Variants in ADCY2 observed in about 807,000 individuals in gnomAD.
The protein encoded by ADCY2 is adenylate cyclase type 2.
ADCY2 carries 31 observed loss-of-function variants against 125.2 expected under a neutral mutation model. That is an observed-to-expected ratio of 0.25 (90% CI 0.19 to 0.33). The LOEUF (loss-of-function observed/expected upper bound fraction) is 0.33, where lower values mean the gene tolerates loss of function less well. ADCY2 is among the 10% of genes least tolerant of loss of function. The pLI is 1.00. For missense variants in ADCY2, 904 were observed against 1,418.2 expected (o/e 0.64, Z 5.82); for synonymous variants, 512 against 548.4 (o/e 0.93, Z 0.93).
chr5:7,466,157 A>AT (rs1414672093), intron 2 of ADCY2, among the ~76,000 whole-genome samples: 2 of 152,138 alleles, frequency 1.3e-5, no homozygotes, highest in East Asian at 3.9e-4. Context: ...TATAAGACAA[A>AT]TGTTTATCTA....
At chr5:7,813,834 C>G (rs1288477595) in intron 22 of ADCY2, among the ~76,000 whole-genome samples, 1 of 152,162 alleles carries the variant, frequency 6.6e-6, no homozygotes, top group Non-Finnish European at 1.5e-5. Flanking sequence ...TTTGCTGCAC[C>G]TTGGTTTGGT....
At chr5:7,826,358 G>T (rs1745477911) in intron 24 of ADCY2, among the ~76,000 whole-genome samples, 1 of 152,118 alleles carries the variant, frequency 6.6e-6, no homozygotes, top group African/African-American at 2.4e-5. Context: ...TCTCTTCAGT[G>T]TGAATACATA....
chr5:7,704,531 A>G (rs1368425169), intron 7 of ADCY2, among the ~76,000 whole-genome samples: 1 of 152,186 alleles, frequency 6.6e-6, no homozygotes, highest in African/African-American at 2.4e-5. Context: ...GCTTTAAGCA[A>G]TGACTTCAAC....
At chr5:7,572,264 G>A (rs570351179) in intron 3 of ADCY2, among the ~76,000 whole-genome samples, 15 of 152,162 alleles carry the variant, frequency 9.9e-5, no homozygotes, top group Admixed American at 2.6e-4. Flanking sequence ...TTACACTCCC[G>A]TCAACAGTGT....
At chr5:7,404,960 T>C (rs931775795) in intron 1 of ADCY2, among the ~76,000 whole-genome samples, 8 of 152,206 alleles carry the variant, frequency 5.3e-5, no homozygotes, top group Admixed American at 6.5e-5. Flanking sequence ...TCTCTTGATA[T>C]GGGATCTGGT....
chr5:7,696,950 A>G (rs924363866), intron 6 of ADCY2, among the ~76,000 whole-genome samples: 1 of 152,210 alleles, frequency 6.6e-6, no homozygotes, highest in Admixed American at 6.5e-5. Flanking sequence ...AACTTAAATG[A>G]TGCCTTAAAA....
At chr5:7,486,021 A>G (rs2126480655) in intron 2 of ADCY2, among the ~76,000 whole-genome samples, 1 of 152,314 alleles carries the variant, frequency 6.6e-6, no homozygotes, top group East Asian at 1.9e-4. Flanking sequence ...CGACATTCTT[A>G]TAAGGGAAAG....
chr5:7,753,549 C>T (rs980053981), intron 15 of ADCY2, among the ~76,000 whole-genome samples: 3 of 152,104 alleles, frequency 2.0e-5, no homozygotes, highest in Non-Finnish European at 4.4e-5. Flanking sequence ...TTAGGATGGT[C>T]GGAATTTTGA....
intron 4 of ADCY2, among the ~76,000 whole-genome samples, chr5:7,627,243 T>C (rs1738164963): frequency 6.6e-6 from 1 of 152,056 alleles, no homozygotes; most frequent in Admixed American, 6.6e-5. Flanking sequence ...TTGATTGTTG[T>C]GGGTGACACA....
At chr5:7,463,618 T>TAA (rs33927169) in intron 2 of ADCY2, among the ~76,000 whole-genome samples, 15 of 102,524 alleles carry the variant, frequency 1.5e-4, no homozygotes, top group South Asian at 3.2e-4. Context: ...AGGTGATAGA[T>TAA]AAAAAAAAAA....
At chr5:7,539,349 TGG>T (rs1307365062) in intron 3 of ADCY2, among the ~76,000 whole-genome samples, 2 of 145,064 alleles carry the variant, frequency 1.4e-5, no homozygotes, top group African/African-American at 5.0e-5. Context: ...CCAAAATGCA[TGG>T]GATTAAAAAA....
chr5:7,428,368 A>C (rs1466527795), intron 2 of ADCY2, among the ~76,000 whole-genome samples: 1 of 152,200 alleles, frequency 6.6e-6, no homozygotes, highest in Non-Finnish European at 1.5e-5. Context: ...AAACACCAAA[A>C]ACTATCTTAA....
rs1738122967 is a variant in ADCY2, at chr5:7,626,236, C to T, written c.640C>T (p.Leu214Phe). ...AGAYHKHLME[L>F]ALQQTYQDTC... is the part of the protein sequence containing the mutation. ...AGCCTACCATAAGCACCTCATGGAA[C>T]TCGCTCTTCAGCAAACATATCAGGA... Residue 214 changes from leucine to phenylalanine, a missense_variant, in exon 4 of 25, where the codon CTC (leucine) becomes TTC (phenylalanine). Coordinates refer to ENST00000338316, the MANE Select transcript of ADCY2 (RefSeq NM_020546.3). 1 of 1,614,144 alleles carries T rather than the reference C, an allele frequency of 6.2e-7. No individual in the cohort carries two copies.
intron 18 of ADCY2, among the ~76,000 whole-genome samples, chr5:7,777,375 C>T (rs1430061879): frequency 6.6e-6 from 1 of 152,200 alleles, no homozygotes; most frequent in Non-Finnish European, 1.5e-5. Flanking sequence ...TGCCTGGCAT[C>T]TAGTACTCAA....
chr5:7,767,858 G>A (rs559164676), intron 17 of ADCY2, among the ~76,000 whole-genome samples: 21 of 151,986 alleles, frequency 1.4e-4, no homozygotes, highest in East Asian at 5.8e-4. Flanking sequence ...GTGAAACCCC[G>A]TCTCTACTAA....
At chr5:7,686,951 C>T (rs928735042) in intron 4 of ADCY2, among the ~76,000 whole-genome samples, 1 of 152,162 alleles carries the variant, frequency 6.6e-6, no homozygotes, top group Non-Finnish European at 1.5e-5. Flanking sequence ...GGCATATGCA[C>T]ACTCAAAGCA....
rs2126395244 is a variant in ADCY2, at chr5:7,724,529, C to T, written c.1704-16C>T. On this transcript the variant is annotated splice_polypyrimidine_tract_variant and intron_variant, in intron 12 of 24. Coordinates refer to ENST00000338316, the MANE Select transcript of ADCY2 (RefSeq NM_020546.3). ...GAGATTCAGTTTTATGATGTGTTGG[C>T]CCTTTCTATTTCCAGGCAATGGCTC... 2 of 1,599,796 alleles carry T rather than the reference C, an allele frequency of 1.3e-6. No homozygotes were observed. The highest frequency in any genetic ancestry group is 4.5e-5 in the East Asian group (2 of 44,602).
At chr5:7,441,337 T>G (rs892662485) in intron 2 of ADCY2, among the ~76,000 whole-genome samples, 4 of 152,182 alleles carry the variant, frequency 2.6e-5, no homozygotes, top group African/African-American at 7.2e-5. Flanking sequence ...GTATAACAAG[T>G]ATCAATTAAT....
intron 23 of ADCY2, among the ~76,000 whole-genome samples, chr5:7,818,953 C>T (rs2126539599): frequency 6.6e-6 from 1 of 152,254 alleles, no homozygotes; most frequent in Non-Finnish European, 1.5e-5. Flanking sequence ...TTAACTCACA[C>T]AATCACAAGG....
Sources: gnomAD v4.1 joint callset for allele counts (sites outside exome capture counted in the v4.1 genomes callset) on GRCh38, gnomAD v4.1.1 for gene constraint, MANE v1.5 for transcripts, NCBI Gene and HGNC (gene_info 2026-07-23, HGNC 2026-07-21) for gene names.